JMJD1C: variants seen among roughly 807,000 people sequenced by gnomAD.
JMJD1C encodes the protein jumonji domain-containing protein 1C.
JMJD1C carries 31 observed loss-of-function variants against 245.3 expected under a neutral mutation model. The observed-to-expected ratio is 0.13, with a 90% CI of 0.09 to 0.17. JMJD1C has a LOEUF of 0.17. JMJD1C is among the 10% of genes least tolerant of loss of function. The pLI is 1.00. For missense variants in JMJD1C, 2,691 were observed against 3,000.2 expected (o/e 0.90, Z 2.41); for synonymous variants, 1,057 against 1,017.4 (o/e 1.04, Z -0.74).
chr10:63,215,904 A>G (rs1847926310), intron 5 of JMJD1C, among the ~76,000 whole-genome samples: 1 of 152,212 alleles, frequency 6.6e-6, no homozygotes, highest in African/African-American at 2.4e-5. Flanking sequence ...GCTAACCAAG[A>G]ATTAAAAAGC....
chr10:63,422,735 A>G (rs973740062), intron 1 of JMJD1C, among the ~76,000 whole-genome samples: 3 of 152,214 alleles, frequency 2.0e-5, no homozygotes, highest in Non-Finnish European at 4.4e-5. Flanking sequence ...AACTTGGGAA[A>G]GTTTAAATCA....
At position 63,403,889 on chromosome 10, in the gene JMJD1C, T is replaced by C. The variant is rs549531791; in HGVS notation, c.169-23407A>G. On this transcript the variant is annotated intron_variant, in intron 1 of 25. Transcript: ENST00000399262. ...AGGCGGAGGTTGCAGTGAGCCGAGA[T>C]TGCGCCACTGCACTCCAGCCTGGGC... Among the ~76,000 whole-genome samples the C allele has an allele frequency of 4.6e-5, 7 of 152,232 alleles. No homozygotes were observed. The South Asian group carries it at 1.0e-3, about 23-fold the overall frequency.
intron 2 of JMJD1C, among the ~76,000 whole-genome samples, chr10:63,304,490 G>T (rs1320858572): frequency 6.6e-6 from 1 of 152,096 alleles, no homozygotes; most frequent in African/African-American, 2.4e-5. Context: ...GACTTAAAAA[G>T]AAATAAAAGA....
At chr10:63,353,888 T>A (rs1297990393) in intron 2 of JMJD1C, among the ~76,000 whole-genome samples, 1 of 152,054 alleles carries the variant, frequency 6.6e-6, no homozygotes, top group African/African-American at 2.4e-5. Flanking sequence ...GTAGCCAGGC[T>A]GGAGTGCAGT....
intron 2 of JMJD1C, among the ~76,000 whole-genome samples, chr10:63,265,698 T>C (rs1855480468): frequency 6.6e-6 from 1 of 152,172 alleles, no homozygotes; most frequent in African/African-American, 2.4e-5. Flanking sequence ...TAAAAAAATT[T>C]TTTAACTGGA....
At chr10:63,189,636 T>C (rs1844525169) in intron 17 of JMJD1C, among the ~76,000 whole-genome samples, 190 bp from the exon 18 acceptor site, 1 of 152,162 alleles carries the variant, frequency 6.6e-6, no homozygotes. Context: ...CTGCCAGGTC[T>C]GAAAAACTTA....
In JMJD1C at chr10:63,193,467, T is replaced by C. The variant is rs1208656733; in HGVS notation, c.5740A>G (p.Thr1914Ala). The change falls in exon 15 of 26, where the codon ACA becomes GCA. Residue 1914 changes from threonine (T) to alanine (A), a missense_variant. Around this residue, in one of 9 missense-constraint regions of JMJD1C, gnomAD observed 139 missense variants for 270.5 expected, o/e 0.51. Transcript: ENST00000399262. ...GTGTGCATGGCATCTAGAAGATCTG[T>C]CAAAACTACAAAATAAAATGGTAGT... is the stretch of plus-strand genomic sequence containing the variant. ...PTQIIPGSVL[T>A]DLLDAMHTLR... The C allele has an allele frequency of 2.2e-5, 34 of 1,579,124 alleles. No individual in the cohort carries two copies. Among genetic ancestry groups the C allele is most frequent in the Non-Finnish European group, 2.9e-5 (34 of 1,163,044 alleles).
chr10:63,186,520 C>A (rs1844147582), intron 18 of JMJD1C, 137 bp from the exon 19 acceptor site: 1 of 583,346 alleles, frequency 1.7e-6, no homozygotes, highest in Non-Finnish European at 2.8e-6. Flanking sequence ...CTGACTGTCA[C>A]CCTTTGGGCT....
intron 2 of JMJD1C, among the ~76,000 whole-genome samples, chr10:63,270,518 G>C (rs1054888114): frequency 6.6e-6 from 1 of 151,914 alleles, no homozygotes; most frequent in Non-Finnish European, 1.5e-5. Context: ...CCAGGCTAGA[G>C]TGCAGTGGCG....
intron 2 of JMJD1C, among the ~76,000 whole-genome samples, chr10:63,339,302 C>T (rs1006178220): frequency 1.3e-5 from 2 of 152,106 alleles, no homozygotes; most frequent in African/African-American, 4.8e-5. Flanking sequence ...TTTCTTTAAA[C>T]CATTTCTCAT....
At chr10:63,487,825 T>C (rs978305536) in intron 1 of JMJD1C, among the ~76,000 whole-genome samples, 4 of 152,252 alleles carry the variant, frequency 2.6e-5, no homozygotes, top group African/African-American at 9.6e-5. Flanking sequence ...TTTGCAGTTT[T>C]CAACTCTGAG....
In JMJD1C at chr10:63,217,259, A is replaced by G. The variant is rs754218228; in HGVS notation, c.626T>C (p.Ile209Thr). Residue 209 changes from isoleucine to threonine, a missense_variant, in exon 5 of 26, where the codon ATA becomes ACA. Ile to Thr is a moderately conservative substitution (Grantham distance 89, BLOSUM62 -1). Transcript: ENST00000399262. ...QDSATQWFTG[I>T]ITHHDLFTRT... The stretch of plus-strand genomic sequence containing the variant: ...GGTGAAGAGATCATGATGAGTAATT[A>G]TGCCAGTAAACCACTGGGTGGCAGA... 2.5e-6 allele frequency: 4 copies of G among 1,612,300 alleles called. No homozygotes were observed. The highest frequency in any genetic ancestry group is 3.4e-6 in the Non-Finnish European group (4 of 1,178,686).
chr10:63,263,951 A>AAATACAC (rs1564703874), intron 3 of JMJD1C, among the ~76,000 whole-genome samples: 4 of 107,222 alleles, frequency 3.7e-5, no homozygotes, highest in African/African-American at 1.6e-4. Flanking sequence ...AAAAAAAAAA[A>AAATACAC]ATACACATAC....
chr10:63,284,906 C>CA (rs1256128607), intron 2 of JMJD1C, among the ~76,000 whole-genome samples: 11 of 105,212 alleles, frequency 1.0e-4, no homozygotes, highest in Non-Finnish European at 1.7e-4. Context: ...CACACACACA[C>CA]ATTCTCTCTA....
At chr10:63,500,230 TG>T (rs1954502733) in intron 1 of JMJD1C, among the ~76,000 whole-genome samples, 1 of 152,076 alleles carries the variant, frequency 6.6e-6, no homozygotes, top group African/African-American at 2.4e-5. Context: ...GAGACCAGCT[TG>T]GGTAACATGG....
intron 2 of JMJD1C, among the ~76,000 whole-genome samples, chr10:63,326,320 C>A (rs1941493186): frequency 1.3e-5 from 2 of 151,166 alleles, no homozygotes; most frequent in African/African-American, 4.9e-5. Flanking sequence ...CATGGTGAAA[C>A]CCTGTCTCTA....
intron 2 of JMJD1C, among the ~76,000 whole-genome samples, chr10:63,320,922 T>G (rs567177000): frequency 6.6e-6 from 1 of 152,254 alleles, no homozygotes; most frequent in African/African-American, 2.4e-5. Context: ...AGTTGGAAAG[T>G]TCATAGCCCC....
rs892488642 is a variant in JMJD1C at position 63,222,242 on chromosome 10, G to C, written c.448-2259C>G. ...TTATAGGGGGGTTCAAAAGCATCAA[G>C]ATGATTTACAGGATGTAACAGGGAG... On this transcript the variant is annotated intron_variant, in intron 3 of 25. Transcript: ENST00000399262. 4 of 794,704 alleles carry C rather than the reference G, an allele frequency of 5.0e-6. No individual in the cohort carries two copies. In the East Asian group the frequency reaches 9.7e-5, roughly 19 times the overall value. The allele number at this position is 794,704 out of a possible 1,614,324, so 49.2% of individuals were successfully genotyped here. A position where few individuals can be genotyped will look rare whatever the true frequency, so the allele number is the denominator to read the frequency against.
At chr10:63,333,896 A>G (rs1942422364) in intron 2 of JMJD1C, among the ~76,000 whole-genome samples, 1 of 152,194 alleles carries the variant, frequency 6.6e-6, no homozygotes, top group Admixed American at 6.5e-5. Flanking sequence ...TTCCAGCAAA[A>G]TATCTGTATC....
Sources: gnomAD v4.1 joint callset for allele counts (sites outside exome capture counted in the v4.1 genomes callset) on GRCh38, gnomAD v4.1.1 for gene constraint, gnomAD v4.1.1 regional missense constraint, MANE v1.5 for transcripts, NCBI Gene and HGNC (gene_info 2026-07-23, HGNC 2026-07-21) for gene names.